Variants in GRM5 observed in about 807,000 individuals in gnomAD.
The protein encoded by GRM5 is glutamate metabotropic receptor 5, also known as metabotropic glutamate receptor 5.
Under a neutral mutation model 83.1 loss-of-function variants are expected in GRM5, and 19 were observed. The ratio of observed to expected loss-of-function variants is 0.23; its 90% confidence interval spans 0.16 to 0.34. GRM5 has a LOEUF of 0.34. GRM5 is among the 10% of genes least tolerant of loss of function. GRM5 has a pLI of 1.00. For missense variants in GRM5, 1,160 were observed against 1,588.3 expected (o/e 0.73, Z 4.58); for synonymous variants, 675 against 633.6 (o/e 1.07, Z -0.98).
chr11:88,941,409 G>GAGGGGAGA (rs908886639), intron 2 of GRM5, among the ~76,000 whole-genome samples: 1 of 145,606 alleles, frequency 6.9e-6, no homozygotes, highest in African/African-American at 2.5e-5. Flanking sequence ...GAGAAGAGAA[G>GAGGGGAGA]AGGGGAGAAG....
chr11:88,914,482 G>C (rs1945556375), intron 2 of GRM5, among the ~76,000 whole-genome samples: 1 of 152,116 alleles, frequency 6.6e-6, no homozygotes, highest in Non-Finnish European at 1.5e-5. Context: ...TTTTACTCTG[G>C]TTGCTGTATT....
At chr11:88,582,285 A>AT (rs560283990) in intron 7 of GRM5, among the ~76,000 whole-genome samples, 42 of 152,298 alleles carry the variant, frequency 2.8e-4, no homozygotes, top group African/African-American at 1.0e-3. Context: ...CTAATGAATA[A>AT]TTTCATCCTT....
At chr11:88,601,589 C>A (rs546318090) in intron 5 of GRM5, among the ~76,000 whole-genome samples, 1 of 152,112 alleles carries the variant, frequency 6.6e-6, no homozygotes, top group South Asian at 2.1e-4. Context: ...AATTCTTTTT[C>A]ATTTTTGCCG....
At chr11:88,823,937 G>C (rs764239808) in intron 3 of GRM5, among the ~76,000 whole-genome samples, 1 of 151,794 alleles carries the variant, frequency 6.6e-6, no homozygotes, top group Non-Finnish European at 1.5e-5. Flanking sequence ...TATTATTCTT[G>C]CTTCTTTTGG....
intron 3 of GRM5, among the ~76,000 whole-genome samples, chr11:88,782,792 G>T: frequency 6.6e-6 from 1 of 152,056 alleles, no homozygotes; most frequent in East Asian, 1.9e-4. Flanking sequence ...AAAGCTGACG[G>T]GTTGTTGTTC....
At chr11:88,738,824 C>CAGCT (rs1241587896) in intron 3 of GRM5, among the ~76,000 whole-genome samples, 1 of 152,040 alleles carries the variant, frequency 6.6e-6, no homozygotes, top group Non-Finnish European at 1.5e-5. Context: ...TACTCATGCC[C>CAGCT]AGCTAGCCTT....
At chr11:88,670,132 A>G (rs916264122) in intron 3 of GRM5, among the ~76,000 whole-genome samples, 2 of 152,146 alleles carry the variant, frequency 1.3e-5, no homozygotes, top group South Asian at 4.1e-4. Flanking sequence ...CAAAGGCAAC[A>G]CTGCAAAGAA....
chr11:88,625,082 A>G (rs1455113471), intron 4 of GRM5, among the ~76,000 whole-genome samples: 1 of 152,156 alleles, frequency 6.6e-6, no homozygotes, highest in African/African-American at 2.4e-5. Context: ...TTTGGAATGA[A>G]ATAAACCTAA....
At chr11:89,001,071 C>T (rs1376295534) in intron 2 of GRM5, among the ~76,000 whole-genome samples, 1 of 151,608 alleles carries the variant, frequency 6.6e-6, no homozygotes, top group African/African-American at 2.4e-5. Context: ...CACCACCAGT[C>T]ATTTATACAT....
intron 3 of GRM5, among the ~76,000 whole-genome samples, chr11:88,830,178 G>A (rs1433552093): frequency 6.6e-6 from 1 of 152,024 alleles, no homozygotes; most frequent in East Asian, 1.9e-4. Context: ...ATGTTAAAAA[G>A]GATGAATGGA....
intron 3 of GRM5, 75 bp downstream of exon 3, chr11:88,849,831 T>C (rs1944359227): frequency 7.3e-7 from 1 of 1,365,336 alleles, no homozygotes; most frequent in Non-Finnish European, 1.0e-6. Context: ...TTTTTTATCA[T>C]ACACTAAAAG....
Position 88,597,332 on chromosome 11 carries a change from T to G in GRM5, c.1415A>C (p.Lys472Thr). 6.6e-7 allele frequency: 1 copy of G among 1,512,532 alleles called. No individual in the cohort carries two copies. Among genetic ancestry groups the G allele is most frequent in the Non-Finnish European group, 9.2e-7 (1 of 1,092,644 alleles). 93.7% of individuals were successfully genotyped at this position (1,512,532 alleles called of 1,614,324 possible). Residue 472 changes from lysine (K) to threonine (T), a missense_variant, in exon 6 of 10, where the codon AAG (lysine) becomes ACG (threonine). This residue lies in a region of GRM5 where 132 missense variants were observed against 197.6 expected (regional missense o/e 0.67). Transcript: ENST00000305447. The part of the protein sequence containing the change: ...SPGRYEIMNF[K>T]EMGKDYFDYI... The stretch of plus-strand genomic sequence containing the variant: ...ATCAAAGTAATCTTTTCCCATTTCC[T>G]TGAAATTCATTATTTCATACCTTAG...
chr11:88,986,462 T>C (rs1220903702), intron 2 of GRM5, among the ~76,000 whole-genome samples: 2 of 152,184 alleles, frequency 1.3e-5, no homozygotes, highest in Non-Finnish European at 2.9e-5. Context: ...TTTTATACTA[T>C]AATTTTGCAT....
intron 2 of GRM5, among the ~76,000 whole-genome samples, chr11:89,009,399 T>C (rs1940619808): frequency 6.6e-6 from 1 of 152,148 alleles, no homozygotes; most frequent in Admixed American, 6.5e-5. Flanking sequence ...TTGACCTAAG[T>C]TTCTTAGCAG....
chr11:89,064,763 C>T (rs1305112797), intron 1 of GRM5, among the ~76,000 whole-genome samples: 1 of 151,138 alleles, frequency 6.6e-6, no homozygotes, highest in Non-Finnish European at 1.5e-5. Flanking sequence ...GATGCCAAAC[C>T]CGATCACCCT....
intron 2 of GRM5, among the ~76,000 whole-genome samples, chr11:88,948,261 A>G (rs796428970): frequency 5.9e-5 from 9 of 152,306 alleles, no homozygotes; most frequent in Non-Finnish European, 1.0e-4. Context: ...AGCATTAAGA[A>G]CTTTATTCTG....
At chr11:88,985,318 T>C (rs1162278404) in intron 2 of GRM5, among the ~76,000 whole-genome samples, 2 of 152,110 alleles carry the variant, frequency 1.3e-5, no homozygotes, top group African/African-American at 4.8e-5. Context: ...CTTTGAATGA[T>C]TTCATTTTAG....
intron 3 of GRM5, among the ~76,000 whole-genome samples, chr11:88,765,879 A>G (rs1314798691): frequency 6.6e-6 from 1 of 151,846 alleles, no homozygotes; most frequent in Non-Finnish European, 1.5e-5. Flanking sequence ...GTGTATACAA[A>G]GACACTATCA....
chr11:89,014,183 A>C (rs1244198658), intron 2 of GRM5, among the ~76,000 whole-genome samples: 9 of 152,162 alleles, frequency 5.9e-5, no homozygotes. Context: ...ACAACACTAC[A>C]GGTATCTTCC....
Sources: gnomAD v4.1 joint callset for allele counts (sites outside exome capture counted in the v4.1 genomes callset) on GRCh38, gnomAD v4.1.1 for gene constraint, gnomAD v4.1.1 regional missense constraint, MANE v1.5 for transcripts, NCBI Gene and HGNC (gene_info 2026-07-23, HGNC 2026-07-21) for gene names.